The following SPATA13 variants were observed in gnomAD, a reference collection of about 807,000 sequenced individuals.
The protein encoded by SPATA13 is spermatogenesis associated 13.
Under a neutral mutation model 104.0 loss-of-function variants are expected in SPATA13, and 50 were observed. The ratio of observed to expected loss-of-function variants is 0.48; its 90% CI spans 0.38 to 0.61. SPATA13 has a LOEUF of 0.61. Among genes scored for constraint, SPATA13 ranks in the 20% least tolerant of loss-of-function variants. SPATA13 has a pLI of 0.00. For missense variants in SPATA13, 1,524 were observed against 1,690.6 expected (o/e 0.90, Z 1.73); for synonymous variants, 606 against 667.5 (o/e 0.91, Z 1.42).
chr13:24,275,095 A>G (rs1874879684), intron 4 of SPATA13, among the ~76,000 whole-genome samples: 1 of 152,022 alleles, frequency 6.6e-6, no homozygotes, highest in African/African-American at 2.4e-5. Context: ...AATCCTTCCA[A>G]TTTAAAAAAA....
At chr13:24,254,250 T>C (rs1400511262) in intron 4 of SPATA13, 1 of 152,180 alleles carries the variant, frequency 6.6e-6, no homozygotes, top group African/African-American at 2.4e-5. Context: ...TAAATTCAGT[T>C]TCAACAGAGC....
chr13:24,256,642 C>T (rs1873805501), intron 4 of SPATA13, among the ~76,000 whole-genome samples: 2 of 152,060 alleles, frequency 1.3e-5, no homozygotes, highest in South Asian at 2.1e-4. Context: ...TTGGCAGCGC[C>T]GTGCTGTGCT....
intron 9 of SPATA13, among the ~76,000 whole-genome samples, chr13:24,293,160 A>G (rs1876524135): frequency 6.6e-6 from 1 of 151,838 alleles, no homozygotes; most frequent in Non-Finnish European, 1.5e-5. Flanking sequence ...GAGTTCATTG[A>G]AATAGATAAA....
chr13:24,300,328 G>T (rs1877093953), intron 11 of SPATA13, 73 bp from the exon 12 acceptor site: 3 of 1,169,044 alleles, frequency 2.6e-6, no homozygotes, highest in African/African-American at 3.0e-5. Context: ...GCTGATATGG[G>T]CTGTGATACA....
intron 1 of SPATA13, among the ~76,000 whole-genome samples, chr13:24,208,687 G>T (rs527932324): frequency 1.0e-5 from 1 of 98,884 alleles, no homozygotes; most frequent in South Asian, 5.2e-4. Context: ...GACTTTTAGG[G>T]AGCCCATAGG....
At chr13:24,200,517 C>T (rs1459067937) in intron 1 of SPATA13, among the ~76,000 whole-genome samples, 2 of 152,074 alleles carry the variant, frequency 1.3e-5, no homozygotes, top group African/African-American at 4.8e-5. Flanking sequence ...CCCCAAGTCT[C>T]CCACCCAAGA....
At chr13:24,012,660 A>G (rs912871) in intron 2 of SPATA13, among the ~76,000 whole-genome samples, 148,078 of 152,336 alleles carry the variant, frequency 0.97, 72,095 homozygotes, top group East Asian at 1. Context: ...TTCCGCAGCC[A>G]ACCCCCAAGT....
intron 3 of SPATA13, among the ~76,000 whole-genome samples, chr13:24,027,375 C>T (rs895220238): frequency 2.0e-5 from 3 of 152,014 alleles, no homozygotes; most frequent in African/African-American, 7.2e-5. Flanking sequence ...CCTCATGATC[C>T]ACCCGCCTCG....
rs186370780 is a variant in SPATA13 at position 24,118,598 on chromosome 13, G to C, written c.-112+100897G>C. 4.7e-4 allele frequency among the ~76,000 whole-genome samples: 71 copies of C among 152,256 alleles called. 1 individual carries two copies. Among genetic ancestry groups the C allele is most frequent in the Non-Finnish European group, 7.9e-4 (54 of 68,026 alleles). The stretch of plus-strand genomic sequence containing the variant: ...CCACCCCCTGAATTTCTGACCCAGT[G>C]GGTCTGGGGTAGGGTCTGAGAATCT... On this transcript the variant is annotated intron_variant, in intron 3 of 14. Coordinates refer to the SPATA13 transcript ENST00000424834.
At chr13:24,085,506 T>C (rs566908246) in intron 3 of SPATA13, among the ~76,000 whole-genome samples, 7 of 152,254 alleles carry the variant, frequency 4.6e-5, no homozygotes, top group Admixed American at 4.6e-4. Context: ...CCCTGCCCTG[T>C]GGGGACAGCT....
intron 3 of SPATA13, among the ~76,000 whole-genome samples, chr13:24,086,941 C>T (rs918142868): frequency 2.0e-5 from 3 of 152,152 alleles, no homozygotes; most frequent in Admixed American, 6.5e-5. Flanking sequence ...CAAACAGACC[C>T]GGTCTCTAAT....
At chr13:24,168,721 A>AGCAGCCCTC (rs1368826483) in intron 1 of SPATA13, among the ~76,000 whole-genome samples, 5 of 152,178 alleles carry the variant, frequency 3.3e-5, no homozygotes, top group Admixed American at 3.3e-4. Flanking sequence ...TTCTGAAATA[A>AGCAGCCCTC]CATCCCTCCA....
chr13:24,234,193 G>A (rs1872446549), intron 2 of SPATA13, among the ~76,000 whole-genome samples: 1 of 152,112 alleles, frequency 6.6e-6, no homozygotes, highest in African/African-American at 2.4e-5. Context: ...TTAATGCTAT[G>A]CATGTTAAGC....
At chr13:24,278,916 CCTT>C in intron 4 of SPATA13, 1 of 1,254,658 alleles carries the variant, frequency 8.0e-7, no homozygotes, top group Admixed American at 3.1e-5. Context: ...TTCCTTCCTT[CCTT>C]CCTTCCCTCT....
chr13:24,129,042 T>C (rs1881311969), intron 3 of SPATA13, among the ~76,000 whole-genome samples: 1 of 152,272 alleles, frequency 6.6e-6, no homozygotes, highest in South Asian at 2.1e-4. Context: ...GTTGTCACCC[T>C]GTGGCACCGC....
chr13:24,259,218 G>A (rs1045573406), intron 4 of SPATA13, among the ~76,000 whole-genome samples: 1 of 152,222 alleles, frequency 6.6e-6, no homozygotes, highest in African/African-American at 2.4e-5. Flanking sequence ...GTCTTAGGGA[G>A]TCTTATGGGG....
chr13:24,132,774 G>C (rs1881427925), intron 3 of SPATA13, among the ~76,000 whole-genome samples: 1 of 152,072 alleles, frequency 6.6e-6, no homozygotes, highest in African/African-American at 2.4e-5. Context: ...AAGAGTTCGA[G>C]ACCAGCCTGG....
At position 24,205,638 on chromosome 13, in the gene SPATA13, C is replaced by G. The variant is rs946227363; in HGVS notation, c.-111-17181C>G. Among the ~76,000 whole-genome samples the G allele has an allele frequency of 2.6e-5, 4 of 152,046 alleles. No individual in the cohort carries two copies. The highest frequency in any genetic ancestry group is 7.2e-5 in the African/African-American group (3 of 41,410). On this transcript the variant is annotated intron_variant, in intron 1 of 12. Transcript: ENST00000382108. This position sits in a 1 kb window ranked among gnomAD's most constrained non-coding sequence, Gnocchi z 4.1. ...CCTGAATAGTGAAGACAATTCTAAGCAAAAAGAAGAAAGCTGGAGGCATCA... is the reference window on the plus strand; with the variant it reads ...CCTGAATAGTGAAGACAATTCTAAGGAAAAAGAAGAAAGCTGGAGGCATCA...
intron 3 of SPATA13, among the ~76,000 whole-genome samples, chr13:24,079,192 T>C (rs1879427177): frequency 6.6e-6 from 1 of 152,136 alleles, no homozygotes; most frequent in Admixed American, 6.5e-5. Flanking sequence ...ACACGGGATG[T>C]AGATGGCCCA....
Sources: gnomAD v4.1 joint callset for allele counts (sites outside exome capture counted in the v4.1 genomes callset) on GRCh38, gnomAD v4.1.1 for gene constraint, Gnocchi (gnomAD v3.1) non-coding constraint, MANE v1.5 for transcripts, NCBI Gene and HGNC (gene_info 2026-07-23, HGNC 2026-07-21) for gene names.